VAT1L: variants seen among roughly 807,000 people sequenced by gnomAD.
VAT1L encodes the protein vesicle amine transport 1 like, also known as putative NADPH-dependent quinone oxidoreductase VAT1L.
A neutral mutation model predicts 44.1 loss-of-function variants in VAT1L; 34 were observed. The observed-to-expected ratio is 0.77, with a 90% CI of 0.59 to 1.03. VAT1L has a LOEUF of 1.03. Ranked by LOEUF, VAT1L falls within the 50% of genes least tolerant of loss-of-function variation. VAT1L has a pLI of 0.00. For missense variants in VAT1L, 615 were observed against 538.8 expected, an observed-to-expected ratio of 1.14 and a Z score of -1.40; for synonymous variants, 253 against 202.2, an observed-to-expected ratio of 1.25 and a Z score of -2.13.
At chr16:77,930,773 T>C (rs146674394) in intron 7 of VAT1L, among the ~76,000 whole-genome samples, 5 of 152,270 alleles carry the variant, frequency 3.3e-5, no homozygotes, top group African/African-American at 7.2e-5. Context: ...CAAGGGGGCA[T>C]GGAGAGAACA....
intron 7 of VAT1L, among the ~76,000 whole-genome samples, chr16:77,954,463 A>G (rs1379974475): frequency 6.6e-6 from 1 of 152,156 alleles, no homozygotes; most frequent in African/African-American, 2.4e-5. Flanking sequence ...GGTCTCTACT[A>G]AAACTATAAA....
rs8044043 is a variant in VAT1L, at chr16:77,888,693, G to A, written c.1077+3891G>A. ...AGCAGCATCTCTGGCCTCTACTCCC[G>A]TACCGCCAGCGGTGGCAATAGAAAA... On this transcript the variant is annotated intron_variant, in intron 7 of 8. Coordinates refer to ENST00000302536, the MANE Select transcript of VAT1L (RefSeq NM_020927.3). Among the ~76,000 whole-genome samples the A allele has an allele frequency of 9.2e-3, 1,400 of 152,310 alleles. 23 individuals are homozygous for A. The highest frequency in any genetic ancestry group is 0.032 in the African/African-American group (1,314 of 41,566).
At chr16:77,902,942 C>T (rs531665135) in intron 7 of VAT1L, among the ~76,000 whole-genome samples, 23 of 147,064 alleles carry the variant, frequency 1.6e-4, no homozygotes, top group Admixed American at 8.3e-4. Flanking sequence ...CACTGCACTC[C>T]GGCCTGGGCC....
intron 3 of VAT1L, among the ~76,000 whole-genome samples, chr16:77,854,151 A>T (rs2016834321): frequency 6.6e-6 from 1 of 151,778 alleles, no homozygotes; most frequent in African/African-American, 2.4e-5. Context: ...AAAATTGCCC[A>T]TACTTATATT....
At chr16:77,931,142 T>C (rs1256218088) in intron 7 of VAT1L, among the ~76,000 whole-genome samples, 1 of 152,180 alleles carries the variant, frequency 6.6e-6, no homozygotes, top group Non-Finnish European at 1.5e-5. Flanking sequence ...TCTTATTAGA[T>C]TGCCTCCTCG....
At chr16:77,796,072 C>T (rs2015928563) in intron 1 of VAT1L, among the ~76,000 whole-genome samples, 2 of 152,046 alleles carry the variant, frequency 1.3e-5, no homozygotes, top group South Asian at 2.1e-4. Context: ...GTGATCTGCC[C>T]GCCTCGGCCT....
At chr16:77,878,713 T>C (rs917898191) in intron 5 of VAT1L, among the ~76,000 whole-genome samples, 8 of 152,152 alleles carry the variant, frequency 5.3e-5, no homozygotes, top group Middle Eastern at 3.2e-3. Context: ...TCCATCTATA[T>C]TTTAACTCTG....
At chr16:77,858,155 C>G (rs1334875867) in intron 3 of VAT1L, among the ~76,000 whole-genome samples, 1 of 152,118 alleles carries the variant, frequency 6.6e-6, no homozygotes, top group African/African-American at 2.4e-5. Context: ...GCAGAAGCCA[C>G]AGAGGCCGTG....
At chr16:77,843,240 T>C (rs1036115537) in intron 3 of VAT1L, among the ~76,000 whole-genome samples, 6 of 152,108 alleles carry the variant, frequency 3.9e-5, no homozygotes, top group African/African-American at 1.4e-4. Flanking sequence ...GGCTGTTTTT[T>C]CAATGGTTTA....
chr16:77,908,875 C>T (rs1051160256), intron 7 of VAT1L, among the ~76,000 whole-genome samples: 1 of 152,118 alleles, frequency 6.6e-6, no homozygotes, highest in East Asian at 1.9e-4. Flanking sequence ...GATGGCGCTA[C>T]TGCACTCCAG....
chr16:77,850,074 G>A (rs2016793540), intron 3 of VAT1L, among the ~76,000 whole-genome samples: 1 of 152,228 alleles, frequency 6.6e-6, no homozygotes, highest in South Asian at 2.1e-4. Flanking sequence ...CAGGCAGGAA[G>A]GCAGGCTGCT....
At chr16:77,963,305 G>A (rs542543398) in intron 7 of VAT1L, among the ~76,000 whole-genome samples, 2 of 152,300 alleles carry the variant, frequency 1.3e-5, no homozygotes, top group African/African-American at 2.4e-5. Context: ...GGAGGCAGGA[G>A]GAGGGTGAGA....
chr16:77,914,847 C>T (rs1279266101), intron 7 of VAT1L, among the ~76,000 whole-genome samples: 2 of 152,158 alleles, frequency 1.3e-5, no homozygotes, highest in South Asian at 2.1e-4. Flanking sequence ...GTTGATGGGC[C>T]GGACACGGTG....
In VAT1L at chr16:77,951,296, A is replaced by G. The variant is rs148879780; in HGVS notation, c.1078-20554A>G. ...TGTAGTGGCTCACGCCTGTAATCCC[A>G]GCACTTTGAGAGGTGGAGGCCGGCA... On this transcript the variant is annotated intron_variant, in intron 7 of 8. Coordinates refer to ENST00000302536, the MANE Select transcript of VAT1L (RefSeq NM_020927.3). 4.1e-3 allele frequency among the ~76,000 whole-genome samples: 632 copies of G among 152,376 alleles called. 5 individuals carry two copies. Among genetic ancestry groups the G allele is most frequent in the Admixed American group, 8.6e-3 (132 of 15,298 alleles).
rs767194146 is a variant in VAT1L at position 77,862,878 on chromosome 16, A to C, written c.710A>C (p.Gln237Pro). 2.5e-6 allele frequency: 4 copies of C among 1,614,076 alleles called. No homozygotes were observed. The East Asian group carries it at 6.7e-5, about 27-fold the overall frequency. Residue 237 changes from glutamine to proline, a missense_variant, in exon 4 of 9, where the codon CAA (glutamine) becomes CCA (proline). Transcript: ENST00000302536. ...HLFDRNADYV[Q>P]EVKRISAEGV... ...TTTGACAGAAATGCAGACTACGTGC[A>C]AGAAGTTAAAAGGTAAGATGTTTGC...
At chr16:77,796,708 C>G (rs1407136312) in intron 1 of VAT1L, among the ~76,000 whole-genome samples, 1 of 152,220 alleles carries the variant, frequency 6.6e-6, no homozygotes, top group South Asian at 2.1e-4. Context: ...ACATACAGAA[C>G]TAGGACATGA....
At chr16:77,824,361 C>T in intron 2 of VAT1L, among the ~76,000 whole-genome samples, 1 of 152,156 alleles carries the variant, frequency 6.6e-6, no homozygotes, top group East Asian at 1.9e-4. Context: ...AAACATAGAG[C>T]TGTCAATGGT....
intron 7 of VAT1L, among the ~76,000 whole-genome samples, chr16:77,909,084 T>C (rs1038360343): frequency 1.3e-5 from 2 of 152,136 alleles, no homozygotes; most frequent in Non-Finnish European, 2.9e-5. Context: ...GTCCTAAACA[T>C]TTTATAAGGG....
At position 77,788,635 on chromosome 16, in the gene VAT1L, C is replaced by G; in HGVS notation, c.-48C>G. 1 of 1,538,764 alleles carries G rather than the reference C, an allele frequency of 6.5e-7. No individual in the cohort carries two copies. Among genetic ancestry groups the G allele is most frequent in the Non-Finnish European group, 8.8e-7 (1 of 1,141,088 alleles). On this transcript the variant is annotated 5_prime_UTR_variant, in exon 1 of 9. Transcript: ENST00000302536. ...GAGGAGCCCCACTCCCCCAGCGCCG[C>G]AGCCACCGCAGCCACCGCAGCCCGT...
Sources: gnomAD v4.1 joint callset for allele counts (sites outside exome capture counted in the v4.1 genomes callset) on GRCh38, gnomAD v4.1.1 for gene constraint, MANE v1.5 for transcripts, NCBI Gene and HGNC (gene_info 2026-07-23, HGNC 2026-07-21) for gene names.